UMAD1: variants seen among roughly 807,000 people sequenced by gnomAD.
UMAD1 encodes the protein UBAP1-MVB12-associated (UMA)-domain containing protein 1.
In UMAD1, 8 loss-of-function variants were observed where a neutral mutation model predicts 6.1. The observed-to-expected ratio is 1.30, with a 90% CI of 0.76 to 2.35. The LOEUF is 2.35. Ranked by LOEUF, UMAD1 falls within the 30% of genes most tolerant of loss-of-function variation. UMAD1 has a pLI of 0.00. For missense variants in UMAD1, 130 were observed against 78.4 expected (o/e 1.66, Z -2.49); for synonymous variants, 56 against 31.4 (o/e 1.78, Z -2.61).
At chr7:7,772,744 C>A (rs1246843768) in intron 2 of UMAD1, among the ~76,000 whole-genome samples, 1 of 152,152 alleles carries the variant, frequency 6.6e-6, no homozygotes, top group Non-Finnish European at 1.5e-5. Flanking sequence ...TTTCTCTGGG[C>A]TCACAAAAAC....
At chr7:7,828,561 CCTGCTGACTT>C (rs1196973247) in intron 3 of UMAD1, among the ~76,000 whole-genome samples, 1 of 152,208 alleles carries the variant, frequency 6.6e-6, no homozygotes, top group Non-Finnish European at 1.5e-5. Context: ...GGACCCCATC[CCTGCTGACTT>C]CTGTGTGTAC....
intron 2 of UMAD1, chr7:7,692,311 T>C (rs899120776): frequency 6.6e-6 from 1 of 152,192 alleles, no homozygotes; most frequent in African/African-American, 2.4e-5. Flanking sequence ...CTAGTAGTCA[T>C]GAGGAGAATT....
At chr7:7,724,350 A>G (rs1054384370) in intron 2 of UMAD1, among the ~76,000 whole-genome samples, 1 of 152,172 alleles carries the variant, frequency 6.6e-6, no homozygotes, top group Admixed American at 6.5e-5. Flanking sequence ...GTGGGTCCCC[A>G]GACTCATCCT....
At chr7:7,773,916 G>T (rs1782150601) in intron 2 of UMAD1, among the ~76,000 whole-genome samples, 1 of 152,122 alleles carries the variant, frequency 6.6e-6, no homozygotes, top group East Asian at 1.9e-4. Flanking sequence ...ATATTAGATT[G>T]GTTGGTTTAG....
Position 7,877,611 on chromosome 7 carries a change from T to C in UMAD1, c.*73T>C. ...TTTTATCTAACCTGTTTGATGTTCTTTGCCGTTTCACTGTTTAAGGTCCTC... is the reference window on the plus strand; with the variant it reads ...TTTTATCTAACCTGTTTGATGTTCTCTGCCGTTTCACTGTTTAAGGTCCTC... On this transcript the variant is annotated 3_prime_UTR_variant, in exon 4 of 4. Coordinates refer to ENST00000682710, the MANE Select transcript of UMAD1 (RefSeq NM_001302348.2). 4.5e-6 allele frequency: 3 copies of C among 671,646 alleles called. No individual in the cohort carries two copies. Among genetic ancestry groups the C allele is most frequent in the Non-Finnish European group, 8.2e-6 (3 of 365,588 alleles). The allele number at this position is 671,646 out of a possible 1,614,324, so 41.6% of individuals were successfully genotyped here.
intron 1 of UMAD1, among the ~76,000 whole-genome samples, chr7:7,667,319 G>A (rs991095775): frequency 1.6e-4 from 25 of 152,180 alleles, no homozygotes; most frequent in Non-Finnish European, 4.4e-5. Flanking sequence ...AAACTACAGA[G>A]AAGGAAATGA....
chr7:7,662,572 T>C (rs1375917205), intron 1 of UMAD1, among the ~76,000 whole-genome samples: 1 of 150,982 alleles, frequency 6.6e-6, no homozygotes, highest in Admixed American at 6.6e-5. Flanking sequence ...GGGGAGGGAG[T>C]TTCCCAACCC....
chr7:7,696,851 T>A (rs1240655766), intron 2 of UMAD1, among the ~76,000 whole-genome samples: 1 of 151,938 alleles, frequency 6.6e-6, no homozygotes, highest in Non-Finnish European at 1.5e-5. Flanking sequence ...TTTTTTTTTT[T>A]AAAGGCTGCC....
rs540390946 is a variant in UMAD1, at chr7:7,761,796, C to A, written c.83-39874C>A. Reference sequence around the variant, plus strand: ...TTCTTCTAGAATCTCAGCTCTCCCCCCTTGTGACATCTGAGAATGTTGACC... The same window carrying A: ...TTCTTCTAGAATCTCAGCTCTCCCCACTTGTGACATCTGAGAATGTTGACC... On this transcript the variant is annotated intron_variant, in intron 2 of 3. Transcript: ENST00000682710. Among the ~76,000 whole-genome samples, 49 of 152,296 alleles carry A rather than the reference C, an allele frequency of 3.2e-4. 1 individual carries two copies. The highest frequency in any genetic ancestry group is 9.6e-4 in the African/African-American group (40 of 41,564).
rs186480315 is a variant in UMAD1 at position 7,850,755 on chromosome 7, T to A, written c.157-26526T>A. Reference sequence around the variant, plus strand: ...TGATATTTTTCAATTAATTCATATATCTGAGGACAATTATTACTAGAATAA... The same window carrying A: ...TGATATTTTTCAATTAATTCATATAACTGAGGACAATTATTACTAGAATAA... On this transcript the variant is annotated intron_variant, in intron 3 of 3. Coordinates refer to ENST00000682710, the MANE Select transcript of UMAD1 (RefSeq NM_001302348.2). Among the ~76,000 whole-genome samples the A allele has an allele frequency of 1.3e-3, 197 of 152,200 alleles. 2 individuals are homozygous for A. The highest frequency in any genetic ancestry group is 3.5e-3 in the Middle Eastern group (1 of 288).
chr7:7,866,592 A>C (rs1212496591), intron 3 of UMAD1, among the ~76,000 whole-genome samples: 2 of 152,260 alleles, frequency 1.3e-5, no homozygotes, highest in Non-Finnish European at 2.9e-5. Context: ...ACACACATGC[A>C]TGAATCTACA....
chr7:7,747,286 A>G (rs1781590504), intron 2 of UMAD1, among the ~76,000 whole-genome samples: 1 of 152,228 alleles, frequency 6.6e-6, no homozygotes, highest in Non-Finnish European at 1.5e-5. Context: ...TAATTAGGTA[A>G]TCAGTATTAT....
intron 2 of UMAD1, among the ~76,000 whole-genome samples, chr7:7,722,310 C>T (rs1035856223): frequency 3.3e-5 from 5 of 151,702 alleles, no homozygotes; most frequent in African/African-American, 9.7e-5. Context: ...GATGGAGTTC[C>T]TTCGTTGGTT....
Position 7,830,268 on chromosome 7 carries a change from C to T in UMAD1, c.156+28525C>T, listed in dbSNP as rs1032628973. 3.3e-5 allele frequency among the ~76,000 whole-genome samples: 5 copies of T among 152,058 alleles called. No homozygotes were observed. The highest frequency in any genetic ancestry group is 7.4e-5 in the Non-Finnish European group (5 of 67,992). On this transcript the variant is annotated intron_variant, in intron 3 of 3. Coordinates refer to ENST00000682710, the MANE Select transcript of UMAD1 (RefSeq NM_001302348.2). This position sits in a 1 kb window ranked among gnomAD's most constrained non-coding sequence, Gnocchi z 5.3. The stretch of plus-strand genomic sequence containing the variant: ...TTGTAATCACACGGCTCTCTGTCTG[C>T]TTGCTAAAGATTGAGTGTGGAATAC...
chr7:7,681,615 A>G (rs1779914620), intron 2 of UMAD1, among the ~76,000 whole-genome samples: 1 of 152,156 alleles, frequency 6.6e-6, no homozygotes, highest in African/African-American at 2.4e-5. Context: ...AATGAAGTTG[A>G]AGTAATCCTC....
chr7:7,764,090 A>G (rs1421611226), intron 2 of UMAD1, among the ~76,000 whole-genome samples: 3 of 152,196 alleles, frequency 2.0e-5, no homozygotes, highest in Non-Finnish European at 4.4e-5. Flanking sequence ...ATGAGAGACA[A>G]TGCTTAGTAG....
intron 2 of UMAD1, among the ~76,000 whole-genome samples, chr7:7,707,644 A>T (rs1202891524): frequency 1.3e-5 from 2 of 152,212 alleles, no homozygotes; most frequent in African/African-American, 2.4e-5. Context: ...TTTGGAATTT[A>T]AAAAAGACCT....
chr7:7,747,761 A>G (rs1456076781), intron 2 of UMAD1, among the ~76,000 whole-genome samples: 1 of 152,096 alleles, frequency 6.6e-6, no homozygotes, highest in Non-Finnish European at 1.5e-5. Context: ...TTATTTCTCC[A>G]TTTAATGGAA....
At chr7:7,856,267 C>A (rs527724131) in intron 3 of UMAD1, among the ~76,000 whole-genome samples, 5 of 152,104 alleles carry the variant, frequency 3.3e-5, no homozygotes, top group Non-Finnish European at 7.3e-5. Context: ...CCCGAGACTG[C>A]GTAATTAATA....
Sources: allele counts gnomAD v4.1 joint callset (sites outside exome capture counted in the v4.1 genomes callset), GRCh38; gene constraint gnomAD v4.1.1; non-coding constraint Gnocchi (gnomAD v3.1); transcripts MANE v1.5; gene names NCBI Gene and HGNC (gene_info 2026-07-23, HGNC 2026-07-21).